Variants in KSR2 observed in about 807,000 individuals in gnomAD.
The protein encoded by KSR2 is kinase suppressor of ras 2.
A neutral mutation model predicts 107.8 loss-of-function variants in KSR2; 25 were observed. That is an observed-to-expected ratio of 0.23 (90% CI 0.17 to 0.32). The LOEUF (loss-of-function observed/expected upper bound fraction) is 0.32. KSR2 is among the 10% of genes least tolerant of loss of function. The pLI is 1.00. For missense variants in KSR2, 887 were observed against 1,268.9 expected, an observed-to-expected ratio of 0.70 and a Z score of 4.57; for synonymous variants, 480 against 507.0, an observed-to-expected ratio of 0.95 and a Z score of 0.71.
At chr12:117,802,283 TG>T (rs1411537357) in intron 3 of KSR2, among the ~76,000 whole-genome samples, 2 of 152,088 alleles carry the variant, frequency 1.3e-5, no homozygotes, top group African/African-American at 4.8e-5. Flanking sequence ...CTGACCCTCC[TG>T]CCTTCCTCTT....
At chr12:117,541,761 C>T (rs1412496847) in intron 9 of KSR2, among the ~76,000 whole-genome samples, 1 of 152,162 alleles carries the variant, frequency 6.6e-6, no homozygotes, top group Non-Finnish European at 1.5e-5. Flanking sequence ...TGTCTAGATG[C>T]TTACTGGGTG....
intron 5 of KSR2, among the ~76,000 whole-genome samples, chr12:117,654,885 G>A (rs1427802402): frequency 6.6e-6 from 1 of 152,108 alleles, no homozygotes; most frequent in Non-Finnish European, 1.5e-5. Flanking sequence ...CCCTGTCATT[G>A]CCCAATGTGC....
chr12:117,872,320 T>G (rs549593382), intron 1 of KSR2, among the ~76,000 whole-genome samples: 1 of 152,242 alleles, frequency 6.6e-6, no homozygotes, highest in Admixed American at 6.5e-5. Context: ...ACATTGCTAC[T>G]CGTGAGGCTG....
At chr12:117,573,953 C>G (rs1036696573) in intron 7 of KSR2, among the ~76,000 whole-genome samples, 2 of 152,142 alleles carry the variant, frequency 1.3e-5, no homozygotes. Context: ...AACAGAAGAG[C>G]CTGAAAAACC....
intron 1 of KSR2, among the ~76,000 whole-genome samples, chr12:117,956,772 AT>A (rs201050720): frequency 6.6e-6 from 1 of 151,386 alleles, no homozygotes; most frequent in African/African-American, 2.4e-5. Context: ...TCTTAAAAAA[AT>A]TTTTTTTAAT....
chr12:117,909,809 G>A (rs942792397), intron 1 of KSR2, among the ~76,000 whole-genome samples: 1 of 152,006 alleles, frequency 6.6e-6, no homozygotes, highest in Non-Finnish European at 1.5e-5. Context: ...TCAGGTGGCT[G>A]AGGCAGGAGG....
At chr12:117,663,846 C>A (rs188320569) in intron 5 of KSR2, among the ~76,000 whole-genome samples, 4 of 152,264 alleles carry the variant, frequency 2.6e-5, no homozygotes, top group East Asian at 1.9e-4. Context: ...AAGGAGCCCA[C>A]GAGCTTGCAG....
intron 4 of KSR2, among the ~76,000 whole-genome samples, chr12:117,720,540 T>C (rs542580052): frequency 1.5e-4 from 23 of 152,348 alleles, no homozygotes; most frequent in Admixed American, 7.2e-4. Context: ...AGCATCCTGA[T>C]TGGCATCCCT....
Position 117,455,026 on chromosome 12 carries a change from C to CAGAGAGAGAG in KSR2, c.*12172_*12173insCTCTCTCTCT, listed in dbSNP as rs776656913. ...GCAGAGACAGAGACAGACACAGAGA[C>CAGAGAGAGAG]AGACAGACAGAGAGAGAGAGAGAGA... On this transcript the variant is annotated 3_prime_UTR_variant, in exon 20 of 20. Transcript: ENST00000339824. The CAGAGAGAGAG allele has an allele frequency of 8.9e-6, 1 of 112,580 alleles. No individual in the cohort carries two copies. The highest frequency in any genetic ancestry group is 3.6e-5 in the African/African-American group (1 of 27,554). The allele number at this position is 112,580 out of a possible 1,614,324, so 7.0% of individuals were successfully genotyped here.
intron 1 of KSR2, among the ~76,000 whole-genome samples, chr12:117,906,937 T>C (rs904215780): frequency 6.6e-6 from 1 of 152,028 alleles, no homozygotes; most frequent in Non-Finnish European, 1.5e-5. Context: ...GAGGATCGCT[T>C]GAACCCAGGG....
At chr12:117,752,015 TA>T (rs1888628895) in intron 4 of KSR2, among the ~76,000 whole-genome samples, 1 of 152,340 alleles carries the variant, frequency 6.6e-6, no homozygotes, top group East Asian at 1.9e-4. Context: ...CTAGTGAGTT[TA>T]AGTGCTTATA....
At chr12:117,585,842 T>C (rs1879954466) in intron 5 of KSR2, among the ~76,000 whole-genome samples, 2 of 152,236 alleles carry the variant, frequency 1.3e-5, no homozygotes, top group South Asian at 2.1e-4. Context: ...ATTTTGTGCA[T>C]CCCTGGTGCC....
At chr12:117,827,898 C>A (rs1296109269) in intron 3 of KSR2, among the ~76,000 whole-genome samples, 3 of 152,188 alleles carry the variant, frequency 2.0e-5, no homozygotes, top group African/African-American at 4.8e-5. Context: ...CCAACTAATT[C>A]CAGAGTCTGC....
At chr12:117,659,027 A>G (rs147223899) in intron 5 of KSR2, among the ~76,000 whole-genome samples, 87 of 152,286 alleles carry the variant, frequency 5.7e-4, no homozygotes, top group African/African-American at 2.0e-3. Context: ...GTACAGTTCT[A>G]TCGCAGATAG....
At chr12:117,686,264 C>G (rs1885572370) in intron 4 of KSR2, among the ~76,000 whole-genome samples, 1 of 117,996 alleles carries the variant, frequency 8.5e-6, no homozygotes, top group Admixed American at 1.0e-4. Flanking sequence ...TGAGGTCTTG[C>G]TATGTTGCCT....
intron 1 of KSR2, among the ~76,000 whole-genome samples, chr12:117,936,512 T>TTAA: frequency 2.3e-5 from 1 of 43,468 alleles, no homozygotes; most frequent in Non-Finnish European, 7.0e-5. Context: ...TATTATTATT[T>TTAA]TATTATTATT....
intron 12 of KSR2, among the ~76,000 whole-genome samples, chr12:117,528,810 G>T (rs1875405550): frequency 6.6e-6 from 1 of 152,136 alleles, no homozygotes; most frequent in African/African-American, 2.4e-5. Flanking sequence ...CAGCAGCCAG[G>T]GCTATTCAAG....
intron 4 of KSR2, among the ~76,000 whole-genome samples, chr12:117,710,250 G>A (rs1319835788): frequency 6.6e-6 from 1 of 152,110 alleles, no homozygotes; most frequent in Non-Finnish European, 1.5e-5. Context: ...AATGACCAAC[G>A]GGAAAATTGG....
intron 4 of KSR2, among the ~76,000 whole-genome samples, chr12:117,742,550 G>GGATGGAT (rs1888261213): frequency 6.6e-6 from 1 of 151,592 alleles, no homozygotes; most frequent in African/African-American, 2.4e-5. Flanking sequence ...ATGGATGGAT[G>GGATGGAT]GATGAATGGG....
Sources: allele counts gnomAD v4.1 joint callset (sites outside exome capture counted in the v4.1 genomes callset), GRCh38; gene constraint gnomAD v4.1.1; transcripts MANE v1.5; gene names NCBI Gene and HGNC (gene_info 2026-07-23, HGNC 2026-07-21).